TSPEAR: variants seen among roughly 807,000 people sequenced by gnomAD.
TSPEAR encodes the protein thrombospondin-type laminin G domain and EAR repeat-containing protein.
A neutral mutation model predicts 71.6 loss-of-function variants in TSPEAR; 69 were observed. That is an observed-to-expected ratio of 0.96 (90% CI 0.79 to 1.18). The LOEUF (loss-of-function observed/expected upper bound fraction) is 1.18. TSPEAR is among the 50% of genes most tolerant of loss of function. TSPEAR has a pLI of 0.00. For synonymous variants in TSPEAR, 402 were observed against 387.2 expected, an observed-to-expected ratio of 1.04 and a Z score of -0.45; for missense variants, 971 against 894.9, an observed-to-expected ratio of 1.09 and a Z score of -1.09.
intron 1 of TSPEAR, among the ~76,000 whole-genome samples, chr21:44,674,738 G>A (rs1461750766): frequency 1.5e-4 from 6 of 40,322 alleles, no homozygotes; most frequent in Middle Eastern, 9.1e-3. Flanking sequence ...TAAAGTGTGT[G>A]TGTGTGTGTG....
chr21:44,549,089 C>T (rs1020839119), intron 2 of TSPEAR, among the ~76,000 whole-genome samples: 7 of 152,310 alleles, frequency 4.6e-5, no homozygotes, highest in Admixed American at 2.6e-4. Context: ...CAAATCCTGC[C>T]CCTGTGCCCT....
At chr21:44,653,085 G>A (rs1021186629) in intron 1 of TSPEAR, among the ~76,000 whole-genome samples, 1 of 152,130 alleles carries the variant, frequency 6.6e-6, no homozygotes, top group African/African-American at 2.4e-5. Context: ...GTGAACTTGG[G>A]AGGTGGAGCT....
At chr21:44,688,955 C>G (rs1291492591) in intron 1 of TSPEAR, among the ~76,000 whole-genome samples, 3 of 152,108 alleles carry the variant, frequency 2.0e-5, no homozygotes, top group Admixed American at 6.5e-5. Context: ...GGGCTCCCAT[C>G]GCTTTTACTC....
chr21:44,509,759 C>T, intron 9 of TSPEAR: 1 of 267,396 alleles, frequency 3.7e-6, no homozygotes, highest in Non-Finnish European at 7.3e-6. Flanking sequence ...CTGTGCCCAG[C>T]CCTGCCCCTA....
At chr21:44,630,175 A>T (rs1351774420) in intron 1 of TSPEAR, among the ~76,000 whole-genome samples, 1 of 152,184 alleles carries the variant, frequency 6.6e-6, no homozygotes, top group East Asian at 1.9e-4. Context: ...CAGAGGGGGA[A>T]CAAGCACTGG....
chr21:44,592,472 T>C, intron 1 of TSPEAR: 1 of 1,610,702 alleles, frequency 6.2e-7, no homozygotes. Context: ...ACGGACATGG[T>C]GGACGCGGCC....
intron 2 of TSPEAR, 130 bp downstream of exon 2, chr21:44,567,655 T>C: frequency 1.3e-6 from 1 of 743,110 alleles, no homozygotes; most frequent in Non-Finnish European, 2.0e-6. Context: ...GGCCAGCCAC[T>C]CTTGATCCCA....
intron 10 of TSPEAR, chr21:44,508,720 T>A: frequency 8.1e-7 from 1 of 1,235,770 alleles, no homozygotes; most frequent in Non-Finnish European, 1.0e-6. Flanking sequence ...CACATCTGTC[T>A]CAACAGGCCA....
At chr21:44,582,264 AC>A (rs1979030001) in intron 1 of TSPEAR, among the ~76,000 whole-genome samples, 1 of 152,208 alleles carries the variant, frequency 6.6e-6, no homozygotes, top group African/African-American at 2.4e-5. Flanking sequence ...AAGATAAGTA[AC>A]CTTGAAAGAG....
At chr21:44,562,450 C>T (rs1307671873) in intron 2 of TSPEAR, among the ~76,000 whole-genome samples, 1 of 152,098 alleles carries the variant, frequency 6.6e-6, no homozygotes, top group African/African-American at 2.4e-5. Flanking sequence ...CAAACTACCA[C>T]TGACATTCTT....
In TSPEAR at chr21:44,686,912, T is replaced by C. The variant is rs368096780; in HGVS notation, c.82+24521A>G. Among the ~76,000 whole-genome samples the C allele has an allele frequency of 2.8e-4, 43 of 152,300 alleles. 1 individual carries two copies. In the South Asian group the frequency reaches 7.9e-3, roughly 28 times the overall value. ...CTTCCTGACCAAGACAATGTCAGCA[T>C]GGGGTTCTGTCCTTGGTCACTGCTC... On this transcript the variant is annotated intron_variant, in intron 1 of 11. Transcript: ENST00000323084.
chr21:44,654,761 G>C, intron 1 of TSPEAR: 1 of 603,130 alleles, frequency 1.7e-6, no homozygotes, highest in Non-Finnish European at 3.0e-6. Context: ...CCTCTGCCCT[G>C]TCTGGTTGAT....
chr21:44,505,400 AATAC>A (rs2052169339), intron 10 of TSPEAR, among the ~76,000 whole-genome samples: 1 of 151,966 alleles, frequency 6.6e-6, no homozygotes, highest in South Asian at 2.1e-4. Context: ...ATTATGGTAA[AATAC>A]ATATAACATA....
rs566811754 is a variant in TSPEAR, at chr21:44,697,378, C to G, written c.82+14055G>C. ...TCTGCACCCCAGTGAGCCGTGTATC[C>G]AGCCCCTGCTGCCGAGTGACCTGTG... On this transcript the variant is annotated intron_variant, in intron 1 of 11. Transcript: ENST00000323084. 1.6e-4 allele frequency: 252 copies of G among 1,613,414 alleles called. 2 individuals carry two copies. In the South Asian group the frequency reaches 2.6e-3, roughly 17 times the overall value.
At chr21:44,654,399 C>T in intron 1 of TSPEAR, 1 of 1,614,172 alleles carries the variant, frequency 6.2e-7, no homozygotes, top group Middle Eastern at 1.7e-4. Flanking sequence ...AGCTCACAGG[C>T]ACACAGCAGG....
At position 44,676,984 on chromosome 21, in the gene TSPEAR, C is replaced by T. The variant is rs183528798; in HGVS notation, c.82+34449G>A. ...GTCAGCTGGGTCCGAAACGCTCATT[C>T]CTTTCCACCCAGGAAGGACTTCTGG... On this transcript the variant is annotated intron_variant, in intron 1 of 11. Transcript: ENST00000323084. 96 of 928,658 alleles carry T rather than the reference C, an allele frequency of 1.0e-4. No homozygotes were observed. In the African/African-American group the frequency reaches 1.3e-3, roughly 12 times the overall value. The allele number at this position is 928,658 out of a possible 1,614,324, so 57.5% of individuals were successfully genotyped here.
In TSPEAR at chr21:44,580,101, G is replaced by A. The variant is rs782428456; in HGVS notation, c.83-12096C>T. Reference sequence around the variant, plus strand: ...CAGGGGGAGGAGGTGCAGCAAGTCGGCTGGCAGCTAGAATGCTGGCAGCAT... The same window carrying A: ...CAGGGGGAGGAGGTGCAGCAAGTCGACTGGCAGCTAGAATGCTGGCAGCAT... On this transcript the variant is annotated intron_variant, in intron 1 of 11. Transcript: ENST00000323084. The A allele has an allele frequency of 6.8e-6, 11 of 1,613,774 alleles. No individual in the cohort carries two copies. In the South Asian group the frequency reaches 1.2e-4, roughly 18 times the overall value.
intron 1 of TSPEAR, chr21:44,702,309 C>A: frequency 6.2e-7 from 1 of 1,610,026 alleles, no homozygotes. Context: ...GCTGCTGTGC[C>A]CCGGCCCCCT....
rs1381672236 is a variant in TSPEAR, at chr21:44,518,123, A to T, written c.1566+3760T>A. 1.4e-5 allele frequency: 5 copies of T among 358,088 alleles called. No individual in the cohort carries two copies. The East Asian group carries it at 3.9e-4, about 28-fold the overall frequency. The allele number at this position is 358,088 out of a possible 1,614,324, so 22.2% of individuals were successfully genotyped here. On this transcript the variant is annotated intron_variant, in intron 9 of 11. Coordinates refer to ENST00000323084, the MANE Select transcript of TSPEAR (RefSeq NM_144991.3). The stretch of plus-strand genomic sequence containing the variant: ...TAATGTCCAAGCTCTCTGTCTCATT[A>T]GTAGCATTTTTTATTTCGTAAGTGC...
Sources: gnomAD v4.1 joint callset for allele counts (sites outside exome capture counted in the v4.1 genomes callset) on GRCh38, gnomAD v4.1.1 for gene constraint, MANE v1.5 for transcripts, NCBI Gene and HGNC (gene_info 2026-07-23, HGNC 2026-07-21) for gene names.